The following COL25A1 variants were observed in gnomAD, a reference collection of about 807,000 sequenced individuals.
The protein encoded by COL25A1 is collagen alpha-1(XXV) chain.
In COL25A1, 103 loss-of-function variants were observed where a neutral mutation model predicts 128.4. The ratio of observed to expected loss-of-function variants is 0.80; its 90% CI spans 0.68 to 0.94. The LOEUF (loss-of-function observed/expected upper bound fraction) is 0.94. Among genes scored for constraint, COL25A1 ranks in the 40% least tolerant of loss-of-function variants. The probability of loss-of-function intolerance (pLI) is 0.00; values close to 1 mark genes in which losing one functional copy is unlikely to be tolerated. For synonymous variants in COL25A1, 279 were observed against 277.2 expected, an observed-to-expected ratio of 1.01 and a Z score of -0.06; for missense variants, 745 against 840.0, an observed-to-expected ratio of 0.89 and a Z score of 1.40.
At chr4:109,234,880 A>C (rs1271055730) in intron 3 of COL25A1, among the ~76,000 whole-genome samples, 2 of 152,124 alleles carry the variant, frequency 1.3e-5, no homozygotes, top group Non-Finnish European at 2.9e-5. Context: ...ATAGAAGCTT[A>C]TATTTTTCAG....
At chr4:109,185,784 C>T (rs548220917) in intron 3 of COL25A1, among the ~76,000 whole-genome samples, 6 of 152,152 alleles carry the variant, frequency 3.9e-5, no homozygotes, top group Admixed American at 6.5e-5. Flanking sequence ...ACTTCCTCCT[C>T]CATCTCCCTC....
intron 3 of COL25A1, among the ~76,000 whole-genome samples, chr4:109,221,804 T>C (rs980356061): frequency 1.3e-5 from 2 of 152,158 alleles, no homozygotes; most frequent in African/African-American, 4.8e-5. Context: ...CATGGACTTA[T>C]GTTGATTTTC....
chr4:109,026,831 A>G (rs1373930846), intron 5 of COL25A1, among the ~76,000 whole-genome samples: 1 of 152,240 alleles, frequency 6.6e-6, no homozygotes. Flanking sequence ...AGAACACAAA[A>G]GGAAGTGGAG....
rs3113710 is a variant in COL25A1, at chr4:109,106,247, A to G, written c.368-56068T>C. Among the ~76,000 whole-genome samples the G allele has an allele frequency of 6.6e-4, 101 of 152,334 alleles. 1 individual carries two copies. Among genetic ancestry groups the G allele is most frequent in the African/African-American group, 2.3e-3 (96 of 41,574 alleles). The stretch of plus-strand genomic sequence containing the variant: ...GTGACAGTGACCTATGACACCAGCC[A>G]CAAGCACCATTTCTTAAAATTTGAG... On this transcript the variant is annotated intron_variant, in intron 3 of 37. Transcript: ENST00000399132.
In COL25A1 at chr4:108,863,333, C is replaced by A. The variant is rs1265045191; in HGVS notation, c.1138G>T (p.Ala380Ser). Residue 380 changes from alanine (A) to serine (S), a missense_variant, in exon 21 of 38, where the codon GCC becomes TCC. Physicochemically the swap from Ala to Ser is moderately conservative, Grantham distance 99. Around this residue, in one of 3 missense-constraint regions of COL25A1, gnomAD observed 387 missense variants for 441.9 expected, o/e 0.88. Transcript: ENST00000399132. ...PGRGERGEPGAPGPKGKQGES... is the reference protein window; with the variant it reads ...PGRGERGEPGSPGPKGKQGES... ...GAATAACTCACCTTTGGTCCGGGGG[C>A]TCCAGGTTCCCCTCGCTCACCTCTT... 3 of 1,613,820 alleles carry A rather than the reference C, an allele frequency of 1.9e-6. No homozygotes were observed. The highest frequency in any genetic ancestry group is 1.7e-5 in the Admixed American group (1 of 59,980).
chr4:109,269,885 T>C (rs1365471454), intron 3 of COL25A1, among the ~76,000 whole-genome samples: 1 of 152,192 alleles, frequency 6.6e-6, no homozygotes, highest in Non-Finnish European at 1.5e-5. Flanking sequence ...TCAAGTGGGC[T>C]TCATCCCTGG....
chr4:108,895,938 CT>C (rs35506597), intron 16 of COL25A1, among the ~76,000 whole-genome samples: 1,610 of 70,730 alleles, frequency 0.023, 5 homozygotes, highest in African/African-American at 0.058. Flanking sequence ...TATAATCAAA[CT>C]TTTTTTTTTT....
At chr4:109,021,695 C>G (rs1757778920) in intron 5 of COL25A1, 1 of 452,340 alleles carries the variant, frequency 2.2e-6, no homozygotes, top group Admixed American at 2.4e-5. Context: ...AATGGATGTG[C>G]AAGTAGAAGA....
At position 108,940,608 on chromosome 4, in the gene COL25A1, G is replaced by T. The variant is rs140998459; in HGVS notation, c.603C>A (p.Gly201=). Residue 201 remains glycine, a synonymous_variant, in exon 10 of 38, where the codon GGC becomes GGA. Transcript: ENST00000399132. The part of the protein sequence containing the change: ...QGQAGPPGPP[G]PPGPRGPPGD... Reference sequence around the variant, plus strand: ...CAGGTGGCCCTCTTGGGCCTGGAGGGCCAGGGGGTCCTGGAGGCCCTGCCT... The same window carrying T: ...CAGGTGGCCCTCTTGGGCCTGGAGGTCCAGGGGGTCCTGGAGGCCCTGCCT... 13,989 of 1,610,160 alleles carry T rather than the reference G, an allele frequency of 8.7e-3. 77 individuals carry two copies. Among genetic ancestry groups the T allele is most frequent in the Non-Finnish European group, 0.011 (12,629 of 1,177,942 alleles).
At chr4:109,246,316 GA>G (rs1167131003) in intron 3 of COL25A1, among the ~76,000 whole-genome samples, 4 of 152,114 alleles carry the variant, frequency 2.6e-5, no homozygotes, top group Admixed American at 2.6e-4. Context: ...GGTAGAGCTA[GA>G]AAACTACTAG....
chr4:109,079,799 A>C (rs1186092323), intron 3 of COL25A1, among the ~76,000 whole-genome samples: 1 of 151,812 alleles, frequency 6.6e-6, no homozygotes, highest in African/African-American at 2.4e-5. Context: ...CATTTCTAAG[A>C]GTTCAAGCGA....
intron 3 of COL25A1, among the ~76,000 whole-genome samples, chr4:109,220,133 A>C (rs1578475245): frequency 6.6e-6 from 1 of 152,172 alleles, no homozygotes; most frequent in Non-Finnish European, 1.5e-5. Context: ...ATATTCTATA[A>C]GGGAAAAATT....
intron 3 of COL25A1, among the ~76,000 whole-genome samples, chr4:109,083,678 G>C (rs1199918141): frequency 2.6e-5 from 4 of 151,626 alleles, no homozygotes; most frequent in African/African-American, 9.7e-5. Context: ...TAGCCAGGCT[G>C]GTCTCGAACT....
At chr4:108,819,721 A>T in intron 35 of COL25A1, 2 of 550,370 alleles carry the variant, frequency 3.6e-6, no homozygotes, top group Non-Finnish European at 2.7e-6. Flanking sequence ...CCAATCAGAA[A>T]CCCTCCTGTT....
In COL25A1 at chr4:108,827,147, G is replaced by T; in HGVS notation, c.1752C>A (p.Pro584=). The T allele has an allele frequency of 6.2e-7, 1 of 1,613,786 alleles. No homozygotes were observed. The highest frequency in any genetic ancestry group is 2.2e-5 in the East Asian group (1 of 44,852). ...GAMGEPGPRG[P]YGLPGKDGEP... ...ACCAGGAACTCACAGGCAGCCCATA[G>T]GGCCCTCTTGGTCCAGGCTCTCCCA... is the stretch of plus-strand genomic sequence containing the variant. Residue 584 remains proline, a synonymous_variant, in exon 33 of 38, where the codon CCC becomes CCA. Coordinates refer to ENST00000399132, the MANE Select transcript of COL25A1 (RefSeq NM_198721.4).
At chr4:109,059,352 T>C (rs1365199379) in intron 3 of COL25A1, among the ~76,000 whole-genome samples, 1 of 152,230 alleles carries the variant, frequency 6.6e-6, no homozygotes, top group Non-Finnish European at 1.5e-5. Context: ...GGATTACAAA[T>C]GCTGAAACTA....
At chr4:109,063,778 C>A (rs2125969661) in intron 3 of COL25A1, among the ~76,000 whole-genome samples, 1 of 152,194 alleles carries the variant, frequency 6.6e-6, no homozygotes, top group East Asian at 1.9e-4. Flanking sequence ...GATAAGTAAG[C>A]CCCGTCCAGA....
chr4:108,850,805 G>A lies in COL25A1; in HGVS notation c.1389+1431C>T, dbSNP rs145359852. 1.4e-4 allele frequency among the ~76,000 whole-genome samples: 21 copies of A among 152,064 alleles called. No homozygotes were observed. The East Asian group carries it at 3.7e-3, about 27-fold the overall frequency. ...TTACTGAATAACTGAATTAATACAC[G>A]AATAGCAATTGGATTATAAAACCAG... is the stretch of plus-strand genomic sequence containing the variant. On this transcript the variant is annotated intron_variant, in intron 26 of 37. Transcript: ENST00000399132.
intron 3 of COL25A1, among the ~76,000 whole-genome samples, chr4:109,273,277 GTAA>G (rs1217078647): frequency 1.3e-5 from 2 of 152,036 alleles, no homozygotes; most frequent in African/African-American, 2.4e-5. Flanking sequence ...CCAATAAAAA[GTAA>G]TGAGATTTTT....
Sources: gnomAD v4.1 joint callset for allele counts (sites outside exome capture counted in the v4.1 genomes callset) on GRCh38, gnomAD v4.1.1 for gene constraint, gnomAD v4.1.1 regional missense constraint, MANE v1.5 for transcripts, NCBI Gene and HGNC (gene_info 2026-07-23, HGNC 2026-07-21) for gene names.